Variants in PPP1R1A observed in about 807,000 individuals in gnomAD.
PPP1R1A encodes the protein protein phosphatase 1 regulatory inhibitor subunit 1A.
A neutral mutation model predicts 23.9 loss-of-function variants in PPP1R1A; 18 were observed. The ratio of observed to expected loss-of-function variants is 0.75; its 90% confidence interval spans 0.52 to 1.12. PPP1R1A has a LOEUF of 1.12. Ranked by LOEUF, PPP1R1A falls within the 50% of genes most tolerant of loss-of-function variation. PPP1R1A has a pLI of 0.00. For synonymous variants in PPP1R1A, 84 were observed against 80.7 expected (o/e 1.04, Z -0.22); for missense variants, 207 against 223.8 (o/e 0.92, Z 0.48).
chr12:54,585,713 C>A (rs1957903015), intron 1 of PPP1R1A, among the ~76,000 whole-genome samples: 2 of 151,554 alleles, frequency 1.3e-5, no homozygotes, highest in South Asian at 4.2e-4. Flanking sequence ...GTGAACACTG[C>A]CCCTCTCTAT....
intron 1 of PPP1R1A, among the ~76,000 whole-genome samples, chr12:54,586,146 C>T (rs1957908097): frequency 6.6e-6 from 1 of 152,106 alleles, no homozygotes; most frequent in Non-Finnish European, 1.5e-5. Flanking sequence ...GTTGAGATAA[C>T]ATCAGAGTGG....
intron 4 of PPP1R1A, 133 bp downstream of exon 4, chr12:54,582,599 C>T: frequency 9.2e-7 from 1 of 1,085,276 alleles, no homozygotes. Context: ...ACTGGGATTT[C>T]AGCCTCAGTT....
chr12:54,580,838 G>A, intron 6 of PPP1R1A, 106 bp downstream of exon 6: 1 of 967,190 alleles, frequency 1.0e-6, no homozygotes, highest in Non-Finnish European at 1.7e-6. Context: ...GACTGAAGCT[G>A]GTTCTTTGTT....
At position 54,579,337 on chromosome 12, in the gene PPP1R1A, CATAT is replaced by C. The variant is rs3036606; in HGVS notation, c.*1046_*1049del. ...AAAATCTGGGTGAGGCGTTCTCCCT[CATAT>C]ATATATATATATATATTTAGGTATG... is the stretch of plus-strand genomic sequence containing the variant. On this transcript the variant is annotated 3_prime_UTR_variant, in exon 7 of 7. Transcript: ENST00000257905. The C allele has an allele frequency of 0.012, 8,329 of 672,222 alleles. No individual in the cohort carries two copies. The highest frequency in any genetic ancestry group is 0.014 in the Non-Finnish European group (7,643 of 543,792). 41.6% of individuals were successfully genotyped at this position (672,222 alleles called of 1,614,324 possible).
chr12:54,583,209 A>G lies in PPP1R1A; in HGVS notation c.183+2T>C, dbSNP rs772061463. 1 of 1,548,530 alleles carries G rather than the reference A, an allele frequency of 6.5e-7. No homozygotes were observed. The highest frequency in any genetic ancestry group is 8.7e-7 in the Non-Finnish European group (1 of 1,152,790). Reference sequence around the variant, plus strand: ...TGGGCTTAGTGGGATGGGCCAGCTCACCTTGAGATGTGGGTTGGGGATCCG... The same window carrying G: ...TGGGCTTAGTGGGATGGGCCAGCTCGCCTTGAGATGTGGGTTGGGGATCCG... On this transcript the variant is annotated splice_donor_variant, in intron 3 of 6. Coordinates refer to ENST00000257905, the MANE Select transcript of PPP1R1A (RefSeq NM_006741.4). LOFTEE classifies it high-confidence loss of function.
At position 54,580,053 on chromosome 12, in the gene PPP1R1A, C is replaced by T. The variant is rs572024877; in HGVS notation, c.*334G>A. The T allele has an allele frequency of 1.3e-5, 14 of 1,051,156 alleles. No homozygotes were observed. Among genetic ancestry groups the T allele is most frequent in the Non-Finnish European group, 1.6e-5 (14 of 870,306 alleles). The allele number at this position is 1,051,156 out of a possible 1,614,324, so 65.1% of individuals were successfully genotyped here. A position where few individuals can be genotyped will look rare whatever the true frequency, so the allele number is the denominator to read the frequency against. On this transcript the variant is annotated 3_prime_UTR_variant, in exon 7 of 7. Transcript: ENST00000257905. ...TCTTGGCACCCTGGAAGTTAGTCCT[C>T]CCACCTATCTGACCCTCATCTCTCT...
In PPP1R1A at chr12:54,581,153, G is replaced by C; in HGVS notation, c.404-103C>G. ...GCACCCATACCCCAGTGGCCCCTGAGAGGGCCCCAGGACCAAGTTGGGTGC... is the reference window on the plus strand; with the variant it reads ...GCACCCATACCCCAGTGGCCCCTGACAGGGCCCCAGGACCAAGTTGGGTGC... On this transcript the variant is annotated intron_variant, in intron 5 of 6. Coordinates refer to ENST00000257905, the MANE Select transcript of PPP1R1A (RefSeq NM_006741.4). This position sits in a 1 kb window ranked among gnomAD's most constrained non-coding sequence, Gnocchi z 4.1. 1.1e-6 allele frequency: 1 copy of C among 878,048 alleles called. No individual in the cohort carries two copies. The highest frequency in any genetic ancestry group is 1.8e-6 in the Non-Finnish European group (1 of 554,924). 54.4% of individuals were successfully genotyped at this position (878,048 alleles called of 1,614,324 possible). A position where few individuals can be genotyped will look rare whatever the true frequency, so the allele number is the denominator to read the frequency against.
chr12:54,585,032 C>A (rs1468509535), intron 1 of PPP1R1A, among the ~76,000 whole-genome samples: 1 of 150,846 alleles, frequency 6.6e-6, no homozygotes. Flanking sequence ...AACCCACTCC[C>A]CAAGCAAGAT....
In PPP1R1A at chr12:54,588,593, C is replaced by A. The variant is rs1318657718; in HGVS notation, c.-105G>T. ...CTCTCCGCTCCGCTCCGGCCCCGGCCCCAGCCCGGCGCGCTCGGCTCCCGG... is the reference window on the plus strand; with the variant it reads ...CTCTCCGCTCCGCTCCGGCCCCGGCACCAGCCCGGCGCGCTCGGCTCCCGG... On this transcript the variant is annotated 5_prime_UTR_variant, in exon 1 of 7. Transcript: ENST00000257905. The A allele has an allele frequency of 1.0e-5, 6 of 572,306 alleles. No homozygotes were observed. The highest frequency in any genetic ancestry group is 5.1e-5 in the Admixed American group (1 of 19,570). 35.5% of individuals were successfully genotyped at this position (572,306 alleles called of 1,614,324 possible).
rs1333833297 is a variant in PPP1R1A, at chr12:54,579,519, C to T, written c.*868G>A. 1 of 985,372 alleles carries T rather than the reference C, an allele frequency of 1.0e-6. No individual in the cohort carries two copies. The highest frequency in any genetic ancestry group is 5.2e-4 in the Middle Eastern group (1 of 1,914). The allele number at this position is 985,372 out of a possible 1,614,324, so 61.0% of individuals were successfully genotyped here. A position where few individuals can be genotyped will look rare whatever the true frequency, so the allele number is the denominator to read the frequency against. ...AAAGAATCTTGCCTTCCCTCCTTTC[C>T]TCTCTCCCACTACCTGGGAAAATCA... On this transcript the variant is annotated 3_prime_UTR_variant, in exon 7 of 7. Coordinates refer to ENST00000257905, the MANE Select transcript of PPP1R1A (RefSeq NM_006741.4).
At chr12:54,587,919 G>C (rs1390119694) in intron 1 of PPP1R1A, among the ~76,000 whole-genome samples, 1 of 152,026 alleles carries the variant, frequency 6.6e-6, no homozygotes, top group Non-Finnish European at 1.5e-5. Flanking sequence ...CAGTTAGGAG[G>C]GGACAGGGAG....
Position 54,581,865 on chromosome 12 carries a change from T to G in PPP1R1A, c.403+111A>C. 1 of 1,291,838 alleles carries G rather than the reference T, an allele frequency of 7.7e-7. No individual in the cohort carries two copies. Among genetic ancestry groups the G allele is most frequent in the Non-Finnish European group, 1.1e-6 (1 of 943,160 alleles). The allele number at this position is 1,291,838 out of a possible 1,614,324, so 80.0% of individuals were successfully genotyped here. A position where few individuals can be genotyped will look rare whatever the true frequency, so the allele number is the denominator to read the frequency against. ...TATCCTTGAGACAGTTTTTGCCTAC[T>G]ACTAGGCCTCTCCCAGGCTCCAACT... On this transcript the variant is annotated intron_variant, in intron 5 of 6. Transcript: ENST00000257905. The surrounding 1 kb of genome is among the most constrained non-coding windows in gnomAD (Gnocchi z 4.1).
Position 54,580,002 on chromosome 12 carries a change from A to G in PPP1R1A, c.*385T>C, listed in dbSNP as rs1475098077. 9.9e-7 allele frequency: 1 copy of G among 1,009,840 alleles called. No individual in the cohort carries two copies. The highest frequency in any genetic ancestry group is 1.2e-6 in the Non-Finnish European group (1 of 844,774). The allele number at this position is 1,009,840 out of a possible 1,614,324, so 62.6% of individuals were successfully genotyped here. A position where few individuals can be genotyped will look rare whatever the true frequency, so the allele number is the denominator to read the frequency against. Reference sequence around the variant, plus strand: ...GTGGTCGGATCGTTCCTCAATAAGAAAAGAGAACCTGGGGCTTTTCTTCCT... The same window carrying G: ...GTGGTCGGATCGTTCCTCAATAAGAGAAGAGAACCTGGGGCTTTTCTTCCT... On this transcript the variant is annotated 3_prime_UTR_variant, in exon 7 of 7. Transcript: ENST00000257905.
rs755345223 is a variant in PPP1R1A, at chr12:54,582,025, G to A, written c.354C>T (p.Ile118=). The part of the protein sequence containing the change: ...TGTQESRPPG[I]PDTEVESRLG... ...GCCTTGACTCCACTTCTGTGTCTGG[G>A]ATCCCAGGTGGGCGGGACTCCTGGG... Residue 118 remains isoleucine (I), a synonymous_variant, in exon 5 of 7, where the codon ATC becomes ATT. Coordinates refer to ENST00000257905, the MANE Select transcript of PPP1R1A (RefSeq NM_006741.4). The A allele has an allele frequency of 7.3e-5, 118 of 1,613,572 alleles. No homozygotes were observed. The East Asian group carries it at 1.8e-3, about 25-fold the overall frequency.
chr12:54,582,194 C>A (rs1957861959), intron 4 of PPP1R1A, 63 bp from the exon 5 acceptor site: 1 of 1,497,462 alleles, frequency 6.7e-7, no homozygotes, highest in Non-Finnish European at 8.9e-7. Flanking sequence ...CCCTGTGGGC[C>A]TCCGGATTCA....
Position 54,581,868 on chromosome 12 carries a change from T to C in PPP1R1A, c.403+108A>G. 5.3e-6 allele frequency: 7 copies of C among 1,320,784 alleles called. No homozygotes were observed. The highest frequency in any genetic ancestry group is 7.2e-6 in the Non-Finnish European group (7 of 968,142). 81.8% of individuals were successfully genotyped at this position (1,320,784 alleles called of 1,614,324 possible). On this transcript the variant is annotated intron_variant, in intron 5 of 6. Transcript: ENST00000257905. This position sits in a 1 kb window ranked among gnomAD's most constrained non-coding sequence, Gnocchi z 4.1. Reference sequence around the variant, plus strand: ...CCTTGAGACAGTTTTTGCCTACTACTAGGCCTCTCCCAGGCTCCAACTCTT... The same window carrying C: ...CCTTGAGACAGTTTTTGCCTACTACCAGGCCTCTCCCAGGCTCCAACTCTT...
At chr12:54,585,332 C>T (rs1157211926) in intron 1 of PPP1R1A, among the ~76,000 whole-genome samples, 1 of 152,200 alleles carries the variant, frequency 6.6e-6, no homozygotes, top group Non-Finnish European at 1.5e-5. Flanking sequence ...GCTCCAGGTC[C>T]TAGTCTAAGA....
chr12:54,583,085 G>C, intron 3 of PPP1R1A, 126 bp downstream of exon 3: 2 of 999,476 alleles, frequency 2.0e-6, no homozygotes, highest in Non-Finnish European at 1.5e-6. Context: ...GCACATTTGG[G>C]GGGTAGAGGT....
Position 54,582,717 on chromosome 12 carries a change from A to G in PPP1R1A, c.247+15T>C. ...GGCACAGAGGAGAAAAAGGGATGGG[A>G]GGGGTCTTGCAAACCTTTCATTGTG... On this transcript the variant is annotated intron_variant, in intron 4 of 6. Coordinates refer to ENST00000257905, the MANE Select transcript of PPP1R1A (RefSeq NM_006741.4). 6.2e-7 allele frequency: 1 copy of G among 1,612,832 alleles called. No homozygotes were observed. Among genetic ancestry groups the G allele is most frequent in the Non-Finnish European group, 8.5e-7 (1 of 1,179,010 alleles).
Sources: allele counts gnomAD v4.1 joint callset (sites outside exome capture counted in the v4.1 genomes callset), GRCh38; gene constraint gnomAD v4.1.1; non-coding constraint Gnocchi (gnomAD v3.1); transcripts MANE v1.5; gene names NCBI Gene and HGNC (gene_info 2026-07-23, HGNC 2026-07-21).